Variants in SMAD9 observed in about 807,000 individuals in gnomAD.
SMAD9 encodes the protein SMAD family member 9.
A neutral mutation model predicts 46.1 loss-of-function variants in SMAD9; 36 were observed. That is an observed-to-expected ratio of 0.78 (90% confidence interval 0.60 to 1.03). The LOEUF (loss-of-function observed/expected upper bound fraction) is 1.03, where lower values mean the gene tolerates loss of function less well. Ranked by LOEUF, SMAD9 falls within the 50% of genes least tolerant of loss-of-function variation. The pLI is 0.00. For missense variants in SMAD9, 572 were observed against 599.8 expected (o/e 0.95, Z 0.48); for synonymous variants, 245 against 237.1 (o/e 1.03, Z -0.31).
chr13:36,904,323 G>T (rs1328623093), intron 1 of SMAD9, among the ~76,000 whole-genome samples: 1 of 152,198 alleles, frequency 6.6e-6, no homozygotes, highest in Non-Finnish European at 1.5e-5. Flanking sequence ...CCTGGATAAT[G>T]ATTTACAACA....
chr13:36,911,391 T>C (rs998722681), intron 1 of SMAD9, among the ~76,000 whole-genome samples: 4 of 152,188 alleles, frequency 2.6e-5, no homozygotes, highest in African/African-American at 9.6e-5. Flanking sequence ...ATACAATAAA[T>C]TTCTTTGAAA....
intron 3 of SMAD9, 65 bp from the exon 4 acceptor site, chr13:36,867,448 C>T (rs970259000): frequency 6.3e-6 from 7 of 1,119,746 alleles, no homozygotes; most frequent in South Asian, 1.5e-5. Context: ...CAGTTGGATC[C>T]GACATCTTTT....
chr13:36,903,084 T>C (rs1384409858), intron 1 of SMAD9, among the ~76,000 whole-genome samples: 1 of 151,374 alleles, frequency 6.6e-6, no homozygotes, highest in Non-Finnish European at 1.5e-5. Flanking sequence ...GCCTAGACCT[T>C]GGGCTCTAGT....
At chr13:36,897,263 G>C (rs1325575872) in intron 1 of SMAD9, among the ~76,000 whole-genome samples, 1 of 152,098 alleles carries the variant, frequency 6.6e-6, no homozygotes, top group Non-Finnish European at 1.5e-5. Context: ...ACTCAAATTA[G>C]CTTGGACTTA....
intron 6 of SMAD9, chr13:36,852,022 A>G: frequency 1.0e-6 from 1 of 981,118 alleles, no homozygotes; most frequent in Middle Eastern, 5.3e-4. Context: ...TTCTAAAGCA[A>G]CAGAACATTT....
chr13:36,881,922 T>C (rs2058406116), intron 1 of SMAD9, among the ~76,000 whole-genome samples: 1 of 152,214 alleles, frequency 6.6e-6, no homozygotes, highest in Admixed American at 6.5e-5. Context: ...AGTTGTGGTA[T>C]AGATCTTTAA....
chr13:36,861,429 C>A (rs1366625424), intron 5 of SMAD9, among the ~76,000 whole-genome samples: 1 of 151,886 alleles, frequency 6.6e-6, no homozygotes, highest in African/African-American at 2.4e-5. Context: ...ATTCTCCTGC[C>A]TCAGCCTCCT....
At chr13:36,898,895 T>C (rs1298330972) in intron 1 of SMAD9, among the ~76,000 whole-genome samples, 4 of 152,190 alleles carry the variant, frequency 2.6e-5, no homozygotes, top group Non-Finnish European at 4.4e-5. Context: ...CTATTCATGA[T>C]TGTATGGATG....
chr13:36,911,453 A>C (rs1374795566), intron 1 of SMAD9, among the ~76,000 whole-genome samples: 1 of 152,206 alleles, frequency 6.6e-6, no homozygotes, highest in African/African-American at 2.4e-5. Flanking sequence ...CTATCTACTT[A>C]AGGTAATATT....
chr13:36,918,386 T>G (rs1199699828), intron 1 of SMAD9, among the ~76,000 whole-genome samples: 1 of 152,170 alleles, frequency 6.6e-6, no homozygotes, highest in Non-Finnish European at 1.5e-5. Context: ...ATAAAACAGC[T>G]CTGACAAAGA....
At chr13:36,859,947 C>T (rs536157608) in intron 5 of SMAD9, among the ~76,000 whole-genome samples, 1 of 148,948 alleles carries the variant, frequency 6.7e-6, no homozygotes, top group African/African-American at 2.5e-5. Flanking sequence ...GCAACAAGAG[C>T]GAAACTCCAT....
At chr13:36,858,175 T>C (rs1285758352) in intron 5 of SMAD9, among the ~76,000 whole-genome samples, 2 of 151,860 alleles carry the variant, frequency 1.3e-5, no homozygotes, top group Non-Finnish European at 2.9e-5. Flanking sequence ...CTATTTGAAA[T>C]TTCCCACAAT....
At chr13:36,920,308 G>GCCCGCCCCCGCCCCCGCC (rs540930729), upstream of SMAD9, 550 of 148,288 alleles carry the variant, frequency 3.7e-3, 3 homozygotes, top group South Asian at 0.011. Flanking sequence ...CCTGCTTGCG[G>GCCCGCCCCCGCCCCCGCC]CCCGCCCCCG....
At position 36,850,599 on chromosome 13, in the gene SMAD9, G is replaced by C. The variant is rs142297952; in HGVS notation, c.1261-1780C>G. Among the ~76,000 whole-genome samples the C allele has an allele frequency of 4.0e-3, 604 of 152,010 alleles. 6 individuals carry two copies. The highest frequency in any genetic ancestry group is 0.013 in the African/African-American group (554 of 41,468). The stretch of plus-strand genomic sequence containing the variant: ...TTGCCATGTTGGCCAGGCTAGTCTT[G>C]AACTCCTGACCTCAAGCAATCCACC... On this transcript the variant is annotated intron_variant, in intron 6 of 6. Coordinates refer to ENST00000379826, the MANE Select transcript of SMAD9 (RefSeq NM_001127217.3).
At chr13:36,857,862 G>A (rs1056208205) in intron 5 of SMAD9, among the ~76,000 whole-genome samples, 5 of 152,066 alleles carry the variant, frequency 3.3e-5, no homozygotes, top group African/African-American at 9.7e-5. Flanking sequence ...CAAGCACAAC[G>A]CCTCCTCTCG....
intron 5 of SMAD9, among the ~76,000 whole-genome samples, chr13:36,863,211 AGACT>A (rs2058200025): frequency 6.6e-6 from 1 of 152,212 alleles, no homozygotes; most frequent in Non-Finnish European, 1.5e-5. Flanking sequence ...ATCTCACAGA[AGACT>A]GACTGCCCTT....
intron 6 of SMAD9, among the ~76,000 whole-genome samples, chr13:36,850,767 A>T (rs1009380792): frequency 6.6e-6 from 1 of 152,192 alleles, no homozygotes; most frequent in East Asian, 1.9e-4. Flanking sequence ...CCAAATTTGT[A>T]TTTCAAGCCC....
At chr13:36,906,162 T>A (rs2058618632) in intron 1 of SMAD9, among the ~76,000 whole-genome samples, 1 of 152,164 alleles carries the variant, frequency 6.6e-6, no homozygotes, top group Admixed American at 6.5e-5. Context: ...AAATGCTGTG[T>A]CATTGAATGT....
At chr13:36,890,276 T>TTA (rs146774328) in intron 1 of SMAD9, among the ~76,000 whole-genome samples, 31,901 of 152,172 alleles carry the variant, frequency 0.21, 3,454 homozygotes, top group Non-Finnish European at 0.24. Context: ...TGCATTGTGC[T>TTA]TATCTTTTCA....
Sources: allele counts gnomAD v4.1 joint callset (sites outside exome capture counted in the v4.1 genomes callset), GRCh38; gene constraint gnomAD v4.1.1; transcripts MANE v1.5; gene names NCBI Gene and HGNC (gene_info 2026-07-23, HGNC 2026-07-21).